NUP133: variants seen among roughly 807,000 people sequenced by gnomAD.
NUP133 encodes nuclear pore complex protein Nup133.
A neutral mutation model predicts 146.2 loss-of-function variants in NUP133; 66 were observed. The ratio of observed to expected loss-of-function variants is 0.45; its 90% CI spans 0.37 to 0.55. The LOEUF (loss-of-function observed/expected upper bound fraction) is 0.55. NUP133 is among the 20% of genes least tolerant of loss of function. The pLI, the probability that NUP133 is intolerant of heterozygous loss-of-function variation, is 0.00. For missense variants in NUP133, 1,277 were observed against 1,374.8 expected (o/e 0.93, Z 1.12); for synonymous variants, 521 against 498.8 (o/e 1.04, Z -0.59).
intron 3 of NUP133, 139 bp from the exon 4 acceptor site, chr1:229,501,002 A>G: frequency 1.7e-6 from 1 of 574,082 alleles, no homozygotes; most frequent in South Asian, 2.3e-5. Flanking sequence ...TTCTTCTCAC[A>G]TCTCCTTTTA....
At chr1:229,463,206 T>C (rs1269213490) in intron 19 of NUP133, among the ~76,000 whole-genome samples, 3 of 152,100 alleles carry the variant, frequency 2.0e-5, no homozygotes, top group African/African-American at 4.8e-5. Flanking sequence ...CTGGACAACA[T>C]AGCGAGACTT....
chr1:229,492,627 T>C (rs1006670822), intron 8 of NUP133, among the ~76,000 whole-genome samples: 4 of 151,952 alleles, frequency 2.6e-5, no homozygotes, highest in Admixed American at 2.6e-4. Context: ...AATTCAAGAA[T>C]ATTGGTCCAC....
intron 14 of NUP133, among the ~76,000 whole-genome samples, chr1:229,471,911 G>C (rs905215917): frequency 6.6e-6 from 1 of 151,950 alleles, no homozygotes; most frequent in Non-Finnish European, 1.5e-5. Flanking sequence ...TTTAATGACT[G>C]GTTAATAATT....
At chr1:229,450,176 G>A (rs192508727) in intron 23 of NUP133, among the ~76,000 whole-genome samples, 7 of 151,870 alleles carry the variant, frequency 4.6e-5, no homozygotes, top group Admixed American at 6.6e-5. Flanking sequence ...GATTACAGGC[G>A]TGAGCCACTG....
chr1:229,505,314 T>C (rs570882564), intron 2 of NUP133, among the ~76,000 whole-genome samples: 1 of 152,130 alleles, frequency 6.6e-6, no homozygotes, highest in Admixed American at 6.5e-5. Context: ...ATTATTACTG[T>C]TGTTCATCTT....
chr1:229,487,472 C>A lies in NUP133; in HGVS notation c.1336G>T (p.Ala446Ser). ...TCTAAAACTGCTACTGTACCTTGTG[C>A]ATTAAAGACAATTTTCTCCTGGGGA... The part of the protein sequence containing the change: ...SLPQEKIVFN[A>S]QGDSVLGAGA... The change falls in exon 10 of 26, where the codon GCA (alanine) becomes TCA (serine). Residue 446 changes from alanine to serine, a missense_variant. Transcript: ENST00000261396. 6.2e-7 allele frequency: 1 copy of A among 1,612,978 alleles called. No homozygotes were observed. Among genetic ancestry groups the A allele is most frequent in the Non-Finnish European group, 8.5e-7 (1 of 1,179,746 alleles).
intron 12 of NUP133, among the ~76,000 whole-genome samples, chr1:229,479,718 G>A (rs936792102): frequency 1.3e-5 from 2 of 152,120 alleles, no homozygotes; most frequent in Admixed American, 6.5e-5. Flanking sequence ...ACTGCTGCTG[G>A]ACACTCTCCA....
Position 229,441,358 on chromosome 1 carries a change from C to A in NUP133, c.*546G>T. 3 of 523,338 alleles carry A rather than the reference C, an allele frequency of 5.7e-6. No individual in the cohort carries two copies. 32.4% of individuals were successfully genotyped at this position (523,338 alleles called of 1,614,324 possible). On this transcript the variant is annotated 3_prime_UTR_variant, in exon 26 of 26. Coordinates refer to ENST00000261396, the MANE Select transcript of NUP133 (RefSeq NM_018230.3). ...AAGTTTAAAATGCTCCCAATGAGTTCATCAGTTATCAAGCTCACATGAGTT... is the reference window on the plus strand; with the variant it reads ...AAGTTTAAAATGCTCCCAATGAGTTAATCAGTTATCAAGCTCACATGAGTT...
Position 229,452,484 on chromosome 1 carries a change from T to C in NUP133, c.3099+41A>G, listed in dbSNP as rs529080246. The C allele has an allele frequency of 2.7e-6, 4 of 1,507,036 alleles. No individual in the cohort carries two copies. In the South Asian group the frequency reaches 4.7e-5, roughly 18 times the overall value. 93.4% of individuals were successfully genotyped at this position (1,507,036 alleles called of 1,614,324 possible). Reference sequence around the variant, plus strand: ...GGCCCAACAAACACCAAAAAGGTTTTGAGTTTAAGAAATAGCGTTAAGGAT... The same window carrying C: ...GGCCCAACAAACACCAAAAAGGTTTCGAGTTTAAGAAATAGCGTTAAGGAT... On this transcript the variant is annotated intron_variant, in intron 22 of 25. Coordinates refer to ENST00000261396, the MANE Select transcript of NUP133 (RefSeq NM_018230.3).
chr1:229,457,906 A>G (rs1660604338), intron 21 of NUP133, among the ~76,000 whole-genome samples: 2 of 152,256 alleles, frequency 1.3e-5, no homozygotes, highest in Admixed American at 6.5e-5. Flanking sequence ...CTAAAGGTAC[A>G]TAATCAGACC....
intron 2 of NUP133, among the ~76,000 whole-genome samples, chr1:229,505,030 T>A (rs1486950133): frequency 6.6e-6 from 1 of 152,224 alleles, no homozygotes; most frequent in Non-Finnish European, 1.5e-5. Context: ...TGATAAGATT[T>A]ATACACAGAC....
At chr1:229,501,606 T>C (rs1571941573) in intron 3 of NUP133, among the ~76,000 whole-genome samples, 1 of 152,254 alleles carries the variant, frequency 6.6e-6, no homozygotes, top group Admixed American at 6.5e-5. Context: ...TCATATTTTC[T>C]TATTTTATTA....
intron 12 of NUP133, among the ~76,000 whole-genome samples, chr1:229,482,660 G>A (rs1661243636): frequency 1.3e-5 from 2 of 152,194 alleles, no homozygotes; most frequent in South Asian, 4.1e-4. Flanking sequence ...AGCAGCAAGT[G>A]TGACCAAGTG....
chr1:229,499,596 C>T (rs1661746350), intron 5 of NUP133, 88 bp downstream of exon 5: 1 of 1,387,018 alleles, frequency 7.2e-7, no homozygotes, highest in Admixed American at 2.1e-5. Flanking sequence ...TAAGGAGATC[C>T]CACCTCTATT....
At chr1:229,463,804 T>G in intron 18 of NUP133, 128 bp from the exon 19 acceptor site, 1 of 1,034,236 alleles carries the variant, frequency 9.7e-7, no homozygotes. Flanking sequence ...AATGGAAACC[T>G]TCCCACTTAC....
chr1:229,452,479 G>A, intron 22 of NUP133, 46 bp downstream of exon 22: 1 of 1,468,138 alleles, frequency 6.8e-7, no homozygotes, highest in East Asian at 2.3e-5. Context: ...ACACCAAAAA[G>A]GTTTTGAGTT....
Position 229,508,120 on chromosome 1 carries a change from T to C in NUP133, c.130A>G (p.Ser44Gly). 1.3e-6 allele frequency: 2 copies of C among 1,574,256 alleles called. No individual in the cohort carries two copies. Among genetic ancestry groups the C allele is most frequent in the Non-Finnish European group, 1.7e-6 (2 of 1,161,582 alleles). The change falls in exon 1 of 26, where the codon AGC becomes GGC. Residue 44 changes from serine to glycine, a missense_variant. Ser to Gly is a moderately conservative substitution (Grantham distance 56, BLOSUM62 0). This residue lies in a region of NUP133 where 319 missense variants were observed against 306.9 expected (regional missense o/e 1.04). Transcript: ENST00000261396. ...RKGLPLGSAV[S>G]SPVLFSPVGR... ...ACCGGCGAGAAGAGCACTGGGGAGC[T>C]GACTGCAGACCCCAGGGGCAGACCC...
intron 4 of NUP133, 85 bp downstream of exon 4, chr1:229,500,671 C>A: frequency 1.3e-6 from 1 of 766,106 alleles, no homozygotes; most frequent in South Asian, 1.8e-5. Context: ...ATAGTTATAT[C>A]TCAAAATCAA....
chr1:229,500,828 A>G lies in NUP133; in HGVS notation c.441T>C (p.Ser147=). Residue 147 remains serine, a synonymous_variant, in exon 4 of 26, where the codon AGT becomes AGC. Coordinates refer to ENST00000261396, the MANE Select transcript of NUP133 (RefSeq NM_018230.3). Reference sequence around the variant, plus strand: ...CTAAGTCGGCACTCCAGTGGAAATCACTAGGTGGCAGCTGAAGTTCTTTGC... The same window carrying G: ...CTAAGTCGGCACTCCAGTGGAAATCGCTAGGTGGCAGCTGAAGTTCTTTGC... ...SVCKELQLPP[S]DFHWSADLVA... The G allele has an allele frequency of 1.2e-6, 2 of 1,613,150 alleles. No homozygotes were observed. Among genetic ancestry groups the G allele is most frequent in the Non-Finnish European group, 1.7e-6 (2 of 1,179,378 alleles).
Sources: allele counts gnomAD v4.1 joint callset (sites outside exome capture counted in the v4.1 genomes callset), GRCh38; gene constraint gnomAD v4.1.1; regional missense constraint gnomAD v4.1.1; transcripts MANE v1.5; gene names NCBI Gene and HGNC (gene_info 2026-07-23, HGNC 2026-07-21).